SLC6A7: variants seen among roughly 807,000 people sequenced by gnomAD.
The protein encoded by SLC6A7 is sodium-dependent proline transporter.
A neutral mutation model predicts 73.1 loss-of-function variants in SLC6A7; 58 were observed. The ratio of observed to expected loss-of-function variants is 0.79; its 90% confidence interval spans 0.64 to 0.99. The LOEUF is 0.99. Among genes scored for constraint, SLC6A7 ranks in the 50% least tolerant of loss-of-function variants. The probability of loss-of-function intolerance (pLI) is 0.00; values close to 1 mark genes in which losing one functional copy is unlikely to be tolerated. For synonymous variants in SLC6A7, 338 were observed against 338.7 expected (o/e 1.00, Z 0.02); for missense variants, 783 against 831.4 (o/e 0.94, Z 0.72).
At position 150,198,138 on chromosome 5, in the gene SLC6A7, A is replaced by C. The variant is rs142616947; in HGVS notation, c.584+862A>C. ...AAGAGAAAGAAAGAAAGAAAGAAAG[A>C]AAGCAAAGCCCAGAGGCTTGCTCAG... is the stretch of plus-strand genomic sequence containing the variant. On this transcript the variant is annotated intron_variant, in intron 4 of 13. Transcript: ENST00000230671. Among the ~76,000 whole-genome samples, 169 of 149,952 alleles carry C rather than the reference A, an allele frequency of 1.1e-3. No individual in the cohort carries two copies. The East Asian group carries it at 0.021, about 18-fold the overall frequency.
At chr5:150,202,980 A>T (rs1477610782) in intron 8 of SLC6A7, among the ~76,000 whole-genome samples, 1 of 152,070 alleles carries the variant, frequency 6.6e-6, no homozygotes. Context: ...AGGCTGAGGC[A>T]GGAGAATCGC....
At chr5:150,202,771 G>A (rs908052601) in intron 8 of SLC6A7, 68 bp downstream of exon 8, 9 of 1,552,158 alleles carry the variant, frequency 5.8e-6, no homozygotes, top group Admixed American at 1.8e-5. Flanking sequence ...TGGGCCAGTG[G>A]ACCAGCAAGA....
intron 2 of SLC6A7, among the ~76,000 whole-genome samples, chr5:150,196,222 C>T (rs1459114025): frequency 2.6e-5 from 4 of 152,172 alleles, no homozygotes; most frequent in Non-Finnish European, 4.4e-5. Context: ...GACTGGCAGC[C>T]CTTCCAGAGT....
intron 6 of SLC6A7, among the ~76,000 whole-genome samples, 168 bp from the exon 7 acceptor site, chr5:150,202,179 T>C (rs940742398): frequency 1.5e-4 from 23 of 152,286 alleles, no homozygotes; most frequent in Admixed American, 1.4e-3. Flanking sequence ...GTGTAAATGT[T>C]GGGGGAGGCT....
At chr5:150,204,682 G>A (rs1418919653) in intron 11 of SLC6A7, 51 bp downstream of exon 11, 2 of 1,449,950 alleles carry the variant, frequency 1.4e-6, no homozygotes, top group East Asian at 2.3e-5. Flanking sequence ...TGGGAGAATG[G>A]GAGTCTACCC....
At chr5:150,196,119 G>A (rs1753006436) in intron 2 of SLC6A7, among the ~76,000 whole-genome samples, 1 of 152,186 alleles carries the variant, frequency 6.6e-6, no homozygotes, top group Non-Finnish European at 1.5e-5. Context: ...AAGGAGGAGA[G>A]GGCGGTGAAC....
At position 150,202,378 on chromosome 5, in the gene SLC6A7, A is replaced by G. The variant is rs2113981543; in HGVS notation, c.890A>G (p.Tyr297Cys). The change falls in exon 7 of 14, where the codon TAT (tyrosine) becomes TGT (cysteine). Residue 297 changes from tyrosine (Y) to cysteine (C), a missense_variant. Tyr to Cys is a radical substitution (Grantham distance 194, BLOSUM62 -2). Coordinates refer to ENST00000230671, the MANE Select transcript of SLC6A7 (RefSeq NM_014228.5). ...ATTGAAGCTGCTCTTCAGATCTTCT[A>G]TTCCCTGGGTGTGGGCTTCGGGGGG... Reference protein sequence around the residue: ...VWIEAALQIFYSLGVGFGGLL... With the variant: ...VWIEAALQIFCSLGVGFGGLL... 1 of 1,614,122 alleles carries G rather than the reference A, an allele frequency of 6.2e-7. No homozygotes were observed. Among genetic ancestry groups the G allele is most frequent in the East Asian group, 2.2e-5 (1 of 44,892 alleles).
chr5:150,204,179 C>T, intron 10 of SLC6A7, 141 bp downstream of exon 10: 1 of 830,734 alleles, frequency 1.2e-6, no homozygotes, highest in Non-Finnish European at 1.8e-6. Flanking sequence ...CCGGCCCTAT[C>T]TCCCAAGGGA....
chr5:150,206,082 G>A (rs983398238), intron 13 of SLC6A7, among the ~76,000 whole-genome samples: 2 of 152,158 alleles, frequency 1.3e-5, no homozygotes, highest in African/African-American at 2.4e-5. Flanking sequence ...TTTTGGGGAG[G>A]GACTCAGACA....
Position 150,201,192 on chromosome 5 carries a change from C to G in SLC6A7, c.827C>G (p.Thr276Ser), listed in dbSNP as rs1354305963. 4 of 1,612,212 alleles carry G rather than the reference C, an allele frequency of 2.5e-6. No homozygotes were observed. The highest frequency in any genetic ancestry group is 3.4e-6 in the Non-Finnish European group (4 of 1,178,998). The change falls in exon 6 of 14, where the codon ACC becomes AGC. Residue 276 changes from threonine to serine, a missense_variant. Transcript: ENST00000230671. Reference protein sequence around the residue: ...GAWKGIQFYLTPQFHHLLSSK... With the variant: ...GAWKGIQFYLSPQFHHLLSSK... ...TGGAAGGGCATCCAGTTCTATCTCA[C>G]CCCCCAGTTCCACCACTTGTTGTCT... is the stretch of plus-strand genomic sequence containing the variant.
At chr5:150,202,932 G>A (rs1001860293) in intron 8 of SLC6A7, among the ~76,000 whole-genome samples, 4 of 152,236 alleles carry the variant, frequency 2.6e-5, no homozygotes, top group East Asian at 3.9e-4. Flanking sequence ...AAAAGTAGCC[G>A]GGCGTGGTGG....
chr5:150,206,783 G>A (rs947060697), intron 13 of SLC6A7, among the ~76,000 whole-genome samples: 1 of 152,232 alleles, frequency 6.6e-6, no homozygotes, highest in African/African-American at 2.4e-5. Context: ...TGCAAAGGGA[G>A]GGAAGAGAGG....
chr5:150,200,468 G>A (rs1753317468), intron 5 of SLC6A7, among the ~76,000 whole-genome samples: 1 of 152,148 alleles, frequency 6.6e-6, no homozygotes, highest in Admixed American at 6.5e-5. Context: ...ACTCCAGCCT[G>A]GGAGGCTGAG....
At chr5:150,193,167 T>A (rs561239603) in intron 1 of SLC6A7, among the ~76,000 whole-genome samples, 1 of 152,332 alleles carries the variant, frequency 6.6e-6, no homozygotes, top group South Asian at 2.1e-4. Flanking sequence ...CCCATAATAA[T>A]GTCTGGCTGT....
chr5:150,197,401 C>G, intron 4 of SLC6A7, 125 bp downstream of exon 4: 1 of 620,782 alleles, frequency 1.6e-6, no homozygotes, highest in South Asian at 2.1e-5. Context: ...GGCAGGTGGA[C>G]TCTGGCTTCT....
chr5:150,193,393 C>T (rs1347799855), intron 1 of SLC6A7, among the ~76,000 whole-genome samples: 1 of 152,192 alleles, frequency 6.6e-6, no homozygotes, highest in Non-Finnish European at 1.5e-5. Flanking sequence ...TGACACAGAT[C>T]ACGGCTTAAG....
chr5:150,204,683 G>A (rs1753587585), intron 11 of SLC6A7, 52 bp downstream of exon 11: 8 of 1,445,630 alleles, frequency 5.5e-6, no homozygotes, highest in Non-Finnish European at 7.8e-6. Context: ...GGGAGAATGG[G>A]AGTCTACCCT....
At chr5:150,203,205 G>A (rs560361638) in intron 8 of SLC6A7, among the ~76,000 whole-genome samples, 1 of 152,316 alleles carries the variant, frequency 6.6e-6, no homozygotes, top group African/African-American at 2.4e-5. Flanking sequence ...AAACGAGTGT[G>A]CATTAACCCA....
At chr5:150,196,139 C>T (rs2240784) in intron 2 of SLC6A7, among the ~76,000 whole-genome samples, 65,803 of 152,074 alleles carry the variant, frequency 0.43, 14,964 homozygotes, top group Non-Finnish European at 0.52. Flanking sequence ...CCCCCTCCTT[C>T]CAGCCCCAGG....
Sources: gnomAD v4.1 joint callset for allele counts (sites outside exome capture counted in the v4.1 genomes callset) on GRCh38, gnomAD v4.1.1 for gene constraint, MANE v1.5 for transcripts, NCBI Gene and HGNC (gene_info 2026-07-23, HGNC 2026-07-21) for gene names.